Variants in ZSWIM7 observed in about 807,000 individuals in gnomAD.
The protein encoded by ZSWIM7 is zinc finger SWIM-type containing 7.
A neutral mutation model predicts 21.1 loss-of-function variants in ZSWIM7; 22 were observed. The observed-to-expected ratio is 1.04, with a 90% CI of 0.74 to 1.49. ZSWIM7 has a LOEUF of 1.49. ZSWIM7 is among the 40% of genes most tolerant of loss of function. The pLI is 0.00. For synonymous variants in ZSWIM7, 67 were observed against 66.5 expected (o/e 1.01, Z -0.04); for missense variants, 193 against 168.0 (o/e 1.15, Z -0.82).
intron 2 of ZSWIM7, among the ~76,000 whole-genome samples, chr17:15,992,681 C>T (rs554338711): frequency 3.0e-4 from 45 of 152,058 alleles, no homozygotes; most frequent in African/African-American, 7.5e-4. Flanking sequence ...TCAGGTGATT[C>T]GCCCGTCTCG....
At chr17:15,998,648 T>C (rs557458815) in intron 1 of ZSWIM7, among the ~76,000 whole-genome samples, 28 of 152,062 alleles carry the variant, frequency 1.8e-4, no homozygotes, top group Non-Finnish European at 2.1e-4. Flanking sequence ...TTGGTGAGCA[T>C]AGCCAAAGAG....
intron 1 of ZSWIM7, among the ~76,000 whole-genome samples, chr17:15,996,368 C>A (rs527854344): frequency 2.0e-5 from 3 of 152,014 alleles, no homozygotes; most frequent in Non-Finnish European, 2.9e-5. Flanking sequence ...AAACAGGGGC[C>A]GGTGTGGGGG....
chr17:15,991,977 A>G (rs1970492163), intron 2 of ZSWIM7, among the ~76,000 whole-genome samples: 1 of 144,326 alleles, frequency 6.9e-6, no homozygotes, highest in African/African-American at 2.7e-5. Flanking sequence ...CCCAGGCTGG[A>G]GTGCAATGGC....
chr17:15,991,905 TTTTTTTTTGTTTGTTTTGTTTTGTTTTG>T lies in ZSWIM7; in HGVS notation c.98+1824_98+1851del, dbSNP rs1970487441. ...AACAGTCCTCCTGGGACAGGTTTTG[TTTTTTTTTGTTTGTTTTGTTTTGTTTTG>T]TTTTTTTTTTGAGACAGAGTCTTGC... On this transcript the variant is annotated intron_variant, in intron 2 of 4. Coordinates refer to ENST00000399277, the MANE Select transcript of ZSWIM7 (RefSeq NM_001042697.2). 4.2e-5 allele frequency among the ~76,000 whole-genome samples: 4 copies of T among 94,716 alleles called. No individual in the cohort carries two copies. In the South Asian group the frequency reaches 9.0e-4, roughly 21 times the overall value. The allele number at this position is 94,716 out of a possible 152,430, so 62.1% of individuals were successfully genotyped here. A position where few individuals can be genotyped will look rare whatever the true frequency, so the allele number is the denominator to read the frequency against.
chr17:15,981,511 T>C (rs1345567348), intron 3 of ZSWIM7, among the ~76,000 whole-genome samples: 1 of 152,168 alleles, frequency 6.6e-6, no homozygotes, highest in Non-Finnish European at 1.5e-5. Flanking sequence ...GTGGGGGTTC[T>C]TAACCTTTGG....
intron 1 of ZSWIM7, among the ~76,000 whole-genome samples, chr17:15,999,073 G>T (rs947416768): frequency 6.6e-6 from 1 of 152,116 alleles, no homozygotes; most frequent in Non-Finnish European, 1.5e-5. Flanking sequence ...TAAAGTGTAT[G>T]GAAGCATTAA....
rs1421681110 is a variant in ZSWIM7, at chr17:15,987,315, C to T, written c.152G>A (p.Arg51Gln). The T allele has an allele frequency of 3.1e-6, 5 of 1,613,664 alleles. No homozygotes were observed. The highest frequency in any genetic ancestry group is 4.2e-6 in the Non-Finnish European group (5 of 1,179,824). The change falls in exon 3 of 5, where the codon CGA (arginine) becomes CAA (glutamine). Residue 51 changes from arginine (R) to glutamine (Q), a missense_variant. Transcript: ENST00000399277. ...SATQALDLVD[R>Q]QSITLISSPS... ...TGATGAGATTAAGGTGATGGACTGT[C>T]GATCAACTAGGTCCAAGGCCTGGGT...
intron 2 of ZSWIM7, among the ~76,000 whole-genome samples, chr17:15,991,919 T>TG (rs1491494685): frequency 2.9e-5 from 2 of 69,346 alleles, no homozygotes; most frequent in African/African-American, 1.2e-4. Context: ...TTTTTGTTTG[T>TG]TTTGTTTTGT....
intron 1 of ZSWIM7, among the ~76,000 whole-genome samples, chr17:15,998,475 G>A (rs1404637150): frequency 1.3e-5 from 2 of 152,172 alleles, no homozygotes; most frequent in Non-Finnish European, 2.9e-5. Flanking sequence ...TTGAATAAGC[G>A]ATGGCAGTTT....
intron 3 of ZSWIM7, among the ~76,000 whole-genome samples, chr17:15,982,339 C>G (rs1335766627): frequency 6.6e-6 from 1 of 152,134 alleles, no homozygotes; most frequent in African/African-American, 2.4e-5. Context: ...TTATTAGTAT[C>G]TGAGGGAAGC....
chr17:15,996,494 A>T (rs1567572847), intron 1 of ZSWIM7, among the ~76,000 whole-genome samples: 2 of 152,026 alleles, frequency 1.3e-5, no homozygotes, highest in African/African-American at 4.8e-5. Flanking sequence ...AAAATAAAAT[A>T]ATCAGCTGGG....
In ZSWIM7 at chr17:15,999,688, G is replaced by T. The variant is rs1165372762; in HGVS notation, c.-94C>A. 1 of 1,555,434 alleles carries T rather than the reference G, an allele frequency of 6.4e-7. No individual in the cohort carries two copies. The highest frequency in any genetic ancestry group is 1.2e-5 in the South Asian group (1 of 84,904). ...TGGAGGATCCTGACCCCCCGCCGGG[G>T]CAGGGCGAGACGGAGTGACGTCGGG... On this transcript the variant is annotated 5_prime_UTR_variant, in exon 1 of 5. Coordinates refer to ENST00000399277, the MANE Select transcript of ZSWIM7 (RefSeq NM_001042697.2).
At chr17:15,987,583 A>G (rs529275632) in intron 2 of ZSWIM7, among the ~76,000 whole-genome samples, 2 of 151,846 alleles carry the variant, frequency 1.3e-5, no homozygotes, top group African/African-American at 2.4e-5. Flanking sequence ...TTATGTATAT[A>G]TGTGTGTGTG....
In ZSWIM7 at chr17:15,993,774, A is replaced by G; in HGVS notation, c.81T>C (p.Pro27=). 1 of 1,505,506 alleles carries G rather than the reference A, an allele frequency of 6.6e-7. No homozygotes were observed. The highest frequency in any genetic ancestry group is 9.2e-7 in the Non-Finnish European group (1 of 1,090,404). The allele number at this position is 1,505,506 out of a possible 1,614,324, so 93.3% of individuals were successfully genotyped here. A position where few individuals can be genotyped will look rare whatever the true frequency, so the allele number is the denominator to read the frequency against. The change falls in exon 2 of 5, where the codon CCT becomes CCC. Residue 27 remains proline (P), a synonymous_variant. Coordinates refer to ENST00000399277, the MANE Select transcript of ZSWIM7 (RefSeq NM_001042697.2). ...GTACTTACGATAACAGATATTCATC[A>G]GGAACTGTAAAATGAGAATGGAAAA... ...AAAVQESARI[P]DEYLLSLKFL...
chr17:15,990,337 G>C (rs1970467010), intron 2 of ZSWIM7, among the ~76,000 whole-genome samples: 1 of 150,798 alleles, frequency 6.6e-6, no homozygotes, highest in African/African-American at 2.4e-5. Flanking sequence ...ATAAGTGTGG[G>C]TTATTATTAT....
At chr17:15,999,363 G>T (rs530965208) in intron 1 of ZSWIM7, 156 bp downstream of exon 1, 4 of 1,019,546 alleles carry the variant, frequency 3.9e-6, no homozygotes, top group Admixed American at 2.3e-5. Flanking sequence ...TTGTTGTTTT[G>T]TTTTTTTGTC....
chr17:15,992,948 C>T lies in ZSWIM7; in HGVS notation c.98+809G>A, dbSNP rs557855797. On this transcript the variant is annotated intron_variant, in intron 2 of 4. Transcript: ENST00000399277. Reference sequence around the variant, plus strand: ...CTGGAGTGCAATGGCACAATCGCAGCGAGATATGCAACCACAACCTCCCGG... The same window carrying T: ...CTGGAGTGCAATGGCACAATCGCAGTGAGATATGCAACCACAACCTCCCGG... Among the ~76,000 whole-genome samples, 113 of 152,174 alleles carry T rather than the reference C, an allele frequency of 7.4e-4. No individual in the cohort carries two copies. The South Asian group carries it at 0.022, about 30-fold the overall frequency.
intron 2 of ZSWIM7, among the ~76,000 whole-genome samples, chr17:15,990,470 C>G (rs917205198): frequency 6.6e-6 from 1 of 151,872 alleles, no homozygotes; most frequent in African/African-American, 2.4e-5. Context: ...TTTAGCCTCC[C>G]GAGTAGCTGG....
chr17:15,988,089 C>G (rs1428831874), intron 2 of ZSWIM7, among the ~76,000 whole-genome samples: 1 of 151,976 alleles, frequency 6.6e-6, no homozygotes, highest in Non-Finnish European at 1.5e-5. Flanking sequence ...CATATGTATG[C>G]ACACATACAT....
Sources: allele counts gnomAD v4.1 joint callset (sites outside exome capture counted in the v4.1 genomes callset), GRCh38; gene constraint gnomAD v4.1.1; transcripts MANE v1.5; gene names NCBI Gene and HGNC (gene_info 2026-07-23, HGNC 2026-07-21).